Variants in EVC2 observed in about 807,000 individuals in gnomAD.
The protein encoded by EVC2 is limbin.
EVC2 carries 148 observed loss-of-function variants against 149.3 expected under a neutral mutation model. That is an observed-to-expected ratio of 0.99 (90% CI 0.87 to 1.14). EVC2 has a LOEUF of 1.14. Among genes scored for constraint, EVC2 ranks in the 50% most tolerant of loss-of-function variants. The probability of loss-of-function intolerance (pLI) is 0.00; values close to 1 mark genes in which losing one functional copy is unlikely to be tolerated. For missense variants in EVC2, 1,854 were observed against 1,627.3 expected (o/e 1.14, Z -2.40); for synonymous variants, 776 against 649.9 (o/e 1.19, Z -2.95).
At chr4:5,585,646 C>T (rs1712215734) in intron 16 of EVC2, among the ~76,000 whole-genome samples, 1 of 152,094 alleles carries the variant, frequency 6.6e-6, no homozygotes, top group Non-Finnish European at 1.5e-5. Context: ...ATTTACAGTA[C>T]ACAATGTGAT....
At chr4:5,537,533 T>C in the EVC2 span, among the ~76,000 whole-genome samples, 1 of 152,152 alleles carries the variant, frequency 6.6e-6, no homozygotes, top group Non-Finnish European at 1.5e-5. Context: ...AGACTAAACA[T>C]CTTAATAAAT....
At chr4:5,551,680 G>A (rs995714025) in intron 21 of EVC2, among the ~76,000 whole-genome samples, 3 of 152,156 alleles carry the variant, frequency 2.0e-5, no homozygotes, top group Non-Finnish European at 4.4e-5. Context: ...CATGAGATTA[G>A]GGAGGGGCCA....
At chr4:5,661,049 T>C (rs1044635617) in intron 9 of EVC2, among the ~76,000 whole-genome samples, 1 of 152,136 alleles carries the variant, frequency 6.6e-6, no homozygotes, top group African/African-American at 2.4e-5. Context: ...TCTGAAAACA[T>C]AAGGCATTAC....
rs148388393 is a variant in EVC2 at position 5,694,340 on chromosome 4, G to A, written c.445C>T (p.Arg149Cys). ...GCATTGAACTTAATACTTACCAGGCGGTGTGTTATAGGAGACTCTCTTTTA... is the reference window on the plus strand; with the variant it reads ...GCATTGAACTTAATACTTACCAGGCAGTGTGTTATAGGAGACTCTCTTTTA... ...LFKRESPITH[R>C]LYGDISREVQ... The change falls in exon 3 of 22, where the codon CGC (arginine) becomes TGC (cysteine). Residue 149 changes from arginine to cysteine, a missense_variant. Physicochemically the swap from Arg to Cys is radical, Grantham distance 180. Coordinates refer to ENST00000344408, the MANE Select transcript of EVC2 (RefSeq NM_147127.5). 36 of 1,613,774 alleles carry A rather than the reference G, an allele frequency of 2.2e-5. 1 individual carries two copies. Among genetic ancestry groups the A allele is most frequent in the Non-Finnish European group, 2.6e-5 (31 of 1,179,918 alleles).
intron 21 of EVC2, among the ~76,000 whole-genome samples, chr4:5,555,752 T>C (rs1000712888): frequency 4.6e-5 from 7 of 152,180 alleles, no homozygotes; most frequent in Non-Finnish European, 1.0e-4. Context: ...AAGAAATCAG[T>C]AAGAACATAG....
At chr4:5,594,653 A>G (rs1174813423) in intron 16 of EVC2, among the ~76,000 whole-genome samples, 1 of 152,230 alleles carries the variant, frequency 6.6e-6, no homozygotes, top group African/African-American at 2.4e-5. Flanking sequence ...AAACTCTAAA[A>G]GCAGAGCGCC....
intron 16 of EVC2, among the ~76,000 whole-genome samples, chr4:5,594,973 G>A (rs369625117): frequency 4.6e-5 from 7 of 152,176 alleles, no homozygotes; most frequent in East Asian, 1.9e-4. Flanking sequence ...TATCAGTGAC[G>A]GAAGATGAAA....
At chr4:5,598,481 T>C (rs976329935) in intron 16 of EVC2, among the ~76,000 whole-genome samples, 2 of 152,184 alleles carry the variant, frequency 1.3e-5, no homozygotes, top group African/African-American at 4.8e-5. Flanking sequence ...GGATTCCCTA[T>C]TTAATAAATG....
intron 3 of EVC2, 115 bp downstream of exon 3, chr4:5,694,220 A>T (rs1306329368): frequency 1.9e-6 from 2 of 1,038,568 alleles, no homozygotes; most frequent in Non-Finnish European, 2.9e-6. Context: ...TTAGTGAAAG[A>T]GGAGGAATAG....
At position 5,640,714 on chromosome 4, in the gene EVC2, C is replaced by G. The variant is rs1239696128; in HGVS notation, c.1270G>C (p.Val424Leu). Reference protein sequence around the residue: ...LTSSGHLSPQVERKMSAVFKK... With the variant: ...LTSSGHLSPQLERKMSAVFKK... The stretch of plus-strand genomic sequence containing the variant: ...AAAACAGCACTCATTTTTCTCTCTA[C>G]TTGGGGTGAGAGGTGGCCACTGCTG... The change falls in exon 10 of 22, where the codon GTA (valine) becomes CTA (leucine). Residue 424 changes from valine (V) to leucine (L), a missense_variant. By Grantham distance (32) the Val-to-Leu change is conservative. Transcript: ENST00000344408. The surrounding 1 kb of genome is among the most constrained non-coding windows in gnomAD (Gnocchi z 4.6). 6.2e-7 allele frequency: 1 copy of G among 1,614,108 alleles called. No individual in the cohort carries two copies.
downstream of EVC2, among the ~76,000 whole-genome samples, chr4:5,559,681 G>A (rs2108763121): frequency 6.6e-6 from 1 of 152,236 alleles, no homozygotes; most frequent in Non-Finnish European, 1.5e-5. The surrounding 1 kb of genome is among the most constrained non-coding windows in gnomAD (Gnocchi z 5.0). Context: ...GGAGACAACA[G>A]AAAGAGCTCC....
intron 21 of EVC2, among the ~76,000 whole-genome samples, chr4:5,546,211 T>C (rs10433661): frequency 0.41 from 62,980 of 151,986 alleles, 13,957 homozygotes; most frequent in East Asian, 0.84. Flanking sequence ...ATCCCATTAC[T>C]GGGTATATAC....
rs1455582895 is a variant in EVC2, at chr4:5,642,969, A to AAGT, written c.1146-2132_1146-2131insACT. 2.6e-5 allele frequency among the ~76,000 whole-genome samples: 4 copies of AAGT among 152,226 alleles called. No individual in the cohort carries two copies. The East Asian group carries it at 7.7e-4, about 29-fold the overall frequency. On this transcript the variant is annotated intron_variant, in intron 9 of 21. Coordinates refer to ENST00000344408, the MANE Select transcript of EVC2 (RefSeq NM_147127.5). The stretch of plus-strand genomic sequence containing the variant: ...TTTACCCATGAACACCTCACTGAGC[A>AAGT]TCTTTAACTGTCAAGGAGTCATACG...
intron 20 of EVC2, among the ~76,000 whole-genome samples, chr4:5,566,682 G>A (rs1166126639): frequency 6.6e-6 from 1 of 152,166 alleles, no homozygotes; most frequent in Non-Finnish European, 1.5e-5. Context: ...GCTGGGCAAA[G>A]AAAGGCCATG....
intron 4 of EVC2, 114 bp from the exon 5 acceptor site, chr4:5,689,457 C>T (rs537285638): frequency 3.8e-5 from 40 of 1,058,016 alleles, no homozygotes; most frequent in Non-Finnish European, 5.2e-5. Context: ...GAGGGTAGCA[C>T]GGTCTCGCAG....
downstream of EVC2, among the ~76,000 whole-genome samples, chr4:5,539,506 T>C (rs1359887918): frequency 2.0e-5 from 3 of 152,144 alleles, no homozygotes; most frequent in Non-Finnish European, 2.9e-5. Context: ...GAAAAAAATA[T>C]ATACATCTAA....
rs760353893 is a variant in EVC2, at chr4:5,576,382, G to A, written c.3130C>T (p.Leu1044=). 3.1e-6 allele frequency: 5 copies of A among 1,614,030 alleles called. No individual in the cohort carries two copies. Among genetic ancestry groups the A allele is most frequent in the Non-Finnish European group, 4.2e-6 (5 of 1,179,966 alleles). ...QQEAAQQQQA[L]ASWQQWVADG... ...GCCACCCACTGCTGCCAGCTCGCCA[G>A]GGCCTGCTGCTGCTGGGCTGCCTCC... Residue 1044 remains leucine, a synonymous_variant, in exon 18 of 22, where the codon CTG becomes TTG. Transcript: ENST00000344408. This position sits in a 1 kb window ranked among gnomAD's most constrained non-coding sequence, Gnocchi z 4.5.
chr4:5,579,509 T>C (rs61570649), intron 17 of EVC2, among the ~76,000 whole-genome samples: 2,091 of 152,210 alleles, frequency 0.014, 35 homozygotes, highest in African/African-American at 0.047. Context: ...CAACAGATGG[T>C]GGCCAGTGGT....
chr4:5,529,555 C>T, the EVC2 span, among the ~76,000 whole-genome samples: 1 of 152,250 alleles, frequency 6.6e-6, no homozygotes, highest in African/African-American at 2.4e-5. This position sits in a 1 kb window ranked among gnomAD's most constrained non-coding sequence, Gnocchi z 4.5. Flanking sequence ...CTGTGAGCTC[C>T]TTCAGACTAA....
Sources: gnomAD v4.1 joint callset for allele counts (sites outside exome capture counted in the v4.1 genomes callset) on GRCh38, gnomAD v4.1.1 for gene constraint, Gnocchi (gnomAD v3.1) non-coding constraint, MANE v1.5 for transcripts, NCBI Gene and HGNC (gene_info 2026-07-23, HGNC 2026-07-21) for gene names.